The following AIF1L variants were observed in gnomAD, a reference collection of about 807,000 sequenced individuals.
AIF1L encodes the protein allograft inflammatory factor 1 like, also known as allograft inflammatory factor 1-like.
AIF1L carries 12 observed loss-of-function variants against 20.7 expected under a neutral mutation model. The observed-to-expected ratio is 0.58, with a 90% CI of 0.37 to 0.94. The LOEUF (loss-of-function observed/expected upper bound fraction) is 0.94. Among genes scored for constraint, AIF1L ranks in the 40% least tolerant of loss-of-function variants. The pLI, the probability that AIF1L is intolerant of heterozygous loss-of-function variation, is 0.01. For synonymous variants in AIF1L, 76 were observed against 65.1 expected, an observed-to-expected ratio of 1.17 and a Z score of -0.81; for missense variants, 173 against 185.3, an observed-to-expected ratio of 0.93 and a Z score of 0.39.
At position 131,102,932 on chromosome 9, in the gene AIF1L, A is replaced by T. The variant is rs146116805; in HGVS notation, c.93+6069A>T. ...CCACCCCAAAATTCTGCTGCAGCTGATACAGAAAGACAAGCCTGGAGGGCC... is the reference window on the plus strand; with the variant it reads ...CCACCCCAAAATTCTGCTGCAGCTGTTACAGAAAGACAAGCCTGGAGGGCC... On this transcript the variant is annotated intron_variant, in intron 2 of 5. Coordinates refer to ENST00000247291, the MANE Select transcript of AIF1L (RefSeq NM_031426.4). 1.3e-3 allele frequency: 583 copies of T among 456,322 alleles called. 5 individuals carry two copies. The highest frequency in any genetic ancestry group is 5.3e-3 in the Admixed American group (226 of 42,586). 28.3% of individuals were successfully genotyped at this position (456,322 alleles called of 1,614,324 possible).
intron 5 of AIF1L, among the ~76,000 whole-genome samples, chr9:131,119,046 C>T (rs771555668): frequency 2.6e-5 from 4 of 152,218 alleles, no homozygotes; most frequent in African/African-American, 7.2e-5. Flanking sequence ...TCATGTCTTC[C>T]GTGATGTCCT....
intron 4 of AIF1L, 87 bp downstream of exon 4, chr9:131,114,705 G>A: frequency 6.5e-7 from 1 of 1,531,454 alleles, no homozygotes; most frequent in Non-Finnish European, 9.0e-7. Flanking sequence ...GAGGGGCATG[G>A]GGCAGTCCGG....
intron 4 of AIF1L, among the ~76,000 whole-genome samples, chr9:131,116,929 G>A (rs979678678): frequency 1.3e-5 from 2 of 152,320 alleles, no homozygotes; most frequent in African/African-American, 2.4e-5. Flanking sequence ...CCCCAGTCCC[G>A]CCCGCCTTGC....
intron 2 of AIF1L, among the ~76,000 whole-genome samples, chr9:131,104,044 C>T (rs1479154676): frequency 6.6e-6 from 1 of 152,188 alleles, no homozygotes; most frequent in Non-Finnish European, 1.5e-5. Context: ...ACCTCCCAGG[C>T]CCCAGCCTTG....
Position 131,122,748 on chromosome 9 carries a change from A to G in AIF1L, c.*2426A>G, listed in dbSNP as rs1344174123. On this transcript the variant is annotated 3_prime_UTR_variant, in exon 6 of 6. Coordinates refer to ENST00000247291, the MANE Select transcript of AIF1L (RefSeq NM_031426.4). ...AAATGGCAGAAGAGAGGGTTTTCTC[A>G]TTGAATGGGGGTGGGGGCTCGTGTG... 1.3e-5 allele frequency: 2 copies of G among 152,262 alleles called. No individual in the cohort carries two copies. The highest frequency in any genetic ancestry group is 4.8e-5 in the African/African-American group (2 of 41,414). The allele number at this position is 152,262 out of a possible 1,614,324, so 9.4% of individuals were successfully genotyped here.
intron 2 of AIF1L, among the ~76,000 whole-genome samples, chr9:131,105,530 A>C (rs1341223452): frequency 1.3e-5 from 2 of 151,912 alleles, no homozygotes; most frequent in African/African-American, 4.8e-5. Flanking sequence ...TTTTTAGTAG[A>C]GACAGGATTT....
rs372416209 is a variant in AIF1L at position 131,120,370 on chromosome 9, G to A, written c.*48G>A. The stretch of plus-strand genomic sequence containing the variant: ...CCTTCCCACCCCATACCTCCCTCCC[G>A]ATCTTGCTGCCCTTCTTGACACACT... On this transcript the variant is annotated 3_prime_UTR_variant, in exon 6 of 6. Coordinates refer to ENST00000247291, the MANE Select transcript of AIF1L (RefSeq NM_031426.4). 242 of 1,201,494 alleles carry A rather than the reference G, an allele frequency of 2.0e-4. No homozygotes were observed. Among genetic ancestry groups the A allele is most frequent in the East Asian group, 2.4e-4 (5 of 20,762 alleles). 74.4% of individuals were successfully genotyped at this position (1,201,494 alleles called of 1,614,324 possible). A position where few individuals can be genotyped will look rare whatever the true frequency, so the allele number is the denominator to read the frequency against.
intron 2 of AIF1L, among the ~76,000 whole-genome samples, chr9:131,099,388 A>G (rs1830591978): frequency 6.6e-6 from 1 of 152,164 alleles, no homozygotes; most frequent in Non-Finnish European, 1.5e-5. Flanking sequence ...GAGAGTCTGA[A>G]TTGGTTCACC....
chr9:131,108,494 G>A (rs1389322986), intron 2 of AIF1L, among the ~76,000 whole-genome samples: 1 of 152,056 alleles, frequency 6.6e-6, no homozygotes, highest in Non-Finnish European at 1.5e-5. Context: ...GCCACTCACT[G>A]CGTTTGGCCT....
intron 2 of AIF1L, 62 bp from the exon 3 acceptor site, chr9:131,111,535 C>A: frequency 6.7e-7 from 1 of 1,487,868 alleles, no homozygotes; most frequent in Non-Finnish European, 9.3e-7. Flanking sequence ...GGACAGTGGG[C>A]CCATGTGTGG....
At chr9:131,101,327 C>T (rs56384240) in intron 2 of AIF1L, among the ~76,000 whole-genome samples, 1 of 152,048 alleles carries the variant, frequency 6.6e-6, no homozygotes, top group African/African-American at 2.4e-5. Context: ...CTGCAGACAG[C>T]CCCATGGGAT....
At position 131,105,457 on chromosome 9, in the gene AIF1L, C is replaced by T. The variant is rs534486101; in HGVS notation, c.94-6140C>T. Among the ~76,000 whole-genome samples, 41 of 151,932 alleles carry T rather than the reference C, an allele frequency of 2.7e-4. No homozygotes were observed. In the South Asian group the frequency reaches 6.6e-3, roughly 25 times the overall value. On this transcript the variant is annotated intron_variant, in intron 2 of 5. Transcript: ENST00000247291. ...TCAGCTCACTGCAACCTGCACATTC[C>T]GGGTTCAGACAATTCTCCTGCCTCA...
chr9:131,101,741 C>T (rs1324756561), intron 2 of AIF1L, among the ~76,000 whole-genome samples: 1 of 152,068 alleles, frequency 6.6e-6, no homozygotes, highest in Non-Finnish European at 1.5e-5. Context: ...GATTCAAACC[C>T]AGTCACCCTG....
At chr9:131,111,526 G>T in intron 2 of AIF1L, 71 bp from the exon 3 acceptor site, 1 of 1,432,296 alleles carries the variant, frequency 7.0e-7, no homozygotes. Flanking sequence ...AAGGCCCCCG[G>T]ACAGTGGGCC....
chr9:131,120,513 C>T lies in AIF1L; in HGVS notation c.*191C>T. On this transcript the variant is annotated 3_prime_UTR_variant, in exon 6 of 6. Transcript: ENST00000247291. ...GGGCTCTGGGTCGGGGAATCCTGAG[C>T]CTTGGGTCCCCTCCCTCTCTTCTTC... 7.5e-6 allele frequency: 4 copies of T among 531,840 alleles called. No individual in the cohort carries two copies. Among genetic ancestry groups the T allele is most frequent in the Non-Finnish European group, 1.0e-5 (3 of 301,198 alleles). The allele number at this position is 531,840 out of a possible 1,614,324, so 32.9% of individuals were successfully genotyped here.
intron 4 of AIF1L, 35 bp downstream of exon 4, chr9:131,114,653 G>T (rs770011722): frequency 2.5e-6 from 4 of 1,613,276 alleles, no homozygotes; most frequent in Non-Finnish European, 3.4e-6. Flanking sequence ...AGGGAGGAGG[G>T]TGTTAAGTGG....
At position 131,122,813 on chromosome 9, in the gene AIF1L, C is replaced by T. The variant is rs1182206739; in HGVS notation, c.*2491C>T. 6.6e-6 allele frequency: 1 copy of T among 152,252 alleles called. No individual in the cohort carries two copies. Among genetic ancestry groups the T allele is most frequent in the East Asian group, 1.9e-4 (1 of 5,204 alleles). 9.4% of individuals were successfully genotyped at this position (152,252 alleles called of 1,614,324 possible). A position where few individuals can be genotyped will look rare whatever the true frequency, so the allele number is the denominator to read the frequency against. ...ATCAGTCCCTTCATTTCTTGAGACT[C>T]AACTCCTGGGAGGAGAGGGTCTCAA... On this transcript the variant is annotated 3_prime_UTR_variant, in exon 6 of 6. Coordinates refer to ENST00000247291, the MANE Select transcript of AIF1L (RefSeq NM_031426.4).
At position 131,096,549 on chromosome 9, in the gene AIF1L, C is replaced by G; in HGVS notation, c.-81C>G. The G allele has an allele frequency of 6.9e-7, 1 of 1,456,268 alleles. No homozygotes were observed. The highest frequency in any genetic ancestry group is 1.3e-5 in the South Asian group (1 of 76,900). The allele number at this position is 1,456,268 out of a possible 1,614,324, so 90.2% of individuals were successfully genotyped here. ...CGCGGCCACACGCAGCTAGCCGGAG[C>G]CCGGACCAGGCGCCTGTGCCTCCTC... On this transcript the variant is annotated 5_prime_UTR_variant, in exon 1 of 6. Coordinates refer to ENST00000247291, the MANE Select transcript of AIF1L (RefSeq NM_031426.4).
At chr9:131,104,992 C>G (rs923763177) in intron 2 of AIF1L, among the ~76,000 whole-genome samples, 2 of 149,510 alleles carry the variant, frequency 1.3e-5, no homozygotes, top group Non-Finnish European at 3.0e-5. Flanking sequence ...TTTTGCTTTT[C>G]TTCCAAACAC....
Sources: gnomAD v4.1 joint callset for allele counts (sites outside exome capture counted in the v4.1 genomes callset) on GRCh38, gnomAD v4.1.1 for gene constraint, MANE v1.5 for transcripts, NCBI Gene and HGNC (gene_info 2026-07-23, HGNC 2026-07-21) for gene names.